The following TAFA1 variants were observed in gnomAD, a reference collection of about 807,000 sequenced individuals.
The protein encoded by TAFA1 is TAFA chemokine like family member 1, also known as chemokine-like protein TAFA-1.
TAFA1 carries 4 observed loss-of-function variants against 18.5 expected under a neutral mutation model. That is an observed-to-expected ratio of 0.22 (90% confidence interval 0.11 to 0.49). The LOEUF (loss-of-function observed/expected upper bound fraction) is 0.49, where lower values mean the gene tolerates loss of function less well. Ranked by LOEUF, TAFA1 falls within the 20% of genes least tolerant of loss-of-function variation. The probability of loss-of-function intolerance (pLI) is 0.98; values close to 1 mark genes in which losing one functional copy is unlikely to be tolerated. For synonymous variants in TAFA1, 56 were observed against 55.2 expected (o/e 1.01, Z -0.06); for missense variants, 147 against 169.0 (o/e 0.87, Z 0.72).
chr3:68,271,170 G>A (rs1037098513), intron 2 of TAFA1, among the ~76,000 whole-genome samples: 1 of 151,980 alleles, frequency 6.6e-6, no homozygotes, highest in Admixed American at 6.6e-5. Context: ...CTTCCTCCTG[G>A]ATTGGTTTTA....
At chr3:68,527,318 C>T (rs2073123282) in intron 3 of TAFA1, among the ~76,000 whole-genome samples, 2 of 152,090 alleles carry the variant, frequency 1.3e-5, no homozygotes. Context: ...CAAAAGGTCT[C>T]TGAAAATTCC....
chr3:68,020,341 C>T (rs981162613), intron 2 of TAFA1, among the ~76,000 whole-genome samples: 1 of 151,878 alleles, frequency 6.6e-6, no homozygotes. Flanking sequence ...TACATCCCAT[C>T]TCTATCATTA....
intron 2 of TAFA1, among the ~76,000 whole-genome samples, chr3:68,016,817 TTA>T (rs1222635211): frequency 6.6e-6 from 1 of 152,182 alleles, no homozygotes; most frequent in African/African-American, 2.4e-5. Context: ...CCCATAATAT[TTA>T]TCTTATTTTT....
At chr3:68,153,117 G>T (rs903828727) in intron 2 of TAFA1, among the ~76,000 whole-genome samples, 1 of 152,074 alleles carries the variant, frequency 6.6e-6, no homozygotes, top group African/African-American at 2.4e-5. Context: ...TACTCTTTTT[G>T]CTCATAGTCA....
chr3:68,399,200 T>C (rs2070439997), intron 2 of TAFA1, among the ~76,000 whole-genome samples: 1 of 152,208 alleles, frequency 6.6e-6, no homozygotes, highest in Non-Finnish European at 1.5e-5. Context: ...TTCTTTTTCA[T>C]GATTATCTTA....
At chr3:68,303,921 G>A (rs368932357) in intron 2 of TAFA1, among the ~76,000 whole-genome samples, 1 of 152,070 alleles carries the variant, frequency 6.6e-6, no homozygotes, top group Admixed American at 6.6e-5. Flanking sequence ...TGTTACACTG[G>A]AAATATACTC....
intron 2 of TAFA1, among the ~76,000 whole-genome samples, chr3:68,289,208 T>C (rs1257140159): frequency 6.6e-6 from 1 of 152,242 alleles, no homozygotes; most frequent in Non-Finnish European, 1.5e-5. Flanking sequence ...ATATGTTGCA[T>C]ATGAATTTTC....
chr3:68,028,430 AACCCAAAAT>A (rs71112604), intron 2 of TAFA1, among the ~76,000 whole-genome samples: 97,698 of 151,410 alleles, frequency 0.65, 31,676 homozygotes, highest in South Asian at 0.78. Flanking sequence ...TATTATTTTT[AACCCAAAAT>A]ACTTTATTGG....
chr3:68,461,576 A>G (rs2071783721), intron 3 of TAFA1, among the ~76,000 whole-genome samples: 1 of 151,498 alleles, frequency 6.6e-6, no homozygotes, highest in Non-Finnish European at 1.5e-5. Context: ...CCATATTTCT[A>G]TGTTCCTTTC....
intron 2 of TAFA1, among the ~76,000 whole-genome samples, chr3:68,263,741 C>A (rs1454912054): frequency 6.6e-6 from 1 of 152,094 alleles, no homozygotes; most frequent in Admixed American, 6.6e-5. Context: ...CTCAGGCCAG[C>A]ACAGCACTGG....
chr3:68,262,352 TATA>T (rs2067451251), intron 2 of TAFA1, among the ~76,000 whole-genome samples: 1 of 113,832 alleles, frequency 8.8e-6, no homozygotes, highest in Non-Finnish European at 1.8e-5. Context: ...TATATATATA[TATA>T]TATTTCATGG....
chr3:68,061,858 G>A (rs1041278719), intron 2 of TAFA1, among the ~76,000 whole-genome samples: 1 of 152,152 alleles, frequency 6.6e-6, no homozygotes, highest in Non-Finnish European at 1.5e-5. Flanking sequence ...AACCACTGGT[G>A]CAGCATGGTT....
At chr3:68,044,145 C>T (rs560441227) in intron 2 of TAFA1, among the ~76,000 whole-genome samples, 1 of 152,136 alleles carries the variant, frequency 6.6e-6, no homozygotes, top group Non-Finnish European at 1.5e-5. Flanking sequence ...TTCGTTTGTT[C>T]CTTCATTCTT....
At chr3:68,106,490 G>C (rs1378619750) in intron 2 of TAFA1, among the ~76,000 whole-genome samples, 2 of 152,092 alleles carry the variant, frequency 1.3e-5, no homozygotes, top group African/African-American at 4.8e-5. Flanking sequence ...TTGGACATCA[G>C]AGTTTTAGAA....
chr3:68,456,119 A>G (rs1414229886), intron 3 of TAFA1, among the ~76,000 whole-genome samples: 1 of 152,158 alleles, frequency 6.6e-6, no homozygotes, highest in East Asian at 1.9e-4. Context: ...TTCAGGGACA[A>G]AGCATCAATG....
chr3:68,376,302 A>G (rs1470521769), intron 2 of TAFA1, among the ~76,000 whole-genome samples: 1 of 151,432 alleles, frequency 6.6e-6, no homozygotes, highest in Non-Finnish European at 1.5e-5. Context: ...GGTTTGTTAC[A>G]TAGGGAAACT....
intron 2 of TAFA1, among the ~76,000 whole-genome samples, chr3:68,192,126 A>G (rs888819255): frequency 6.6e-6 from 1 of 151,916 alleles, no homozygotes; most frequent in Non-Finnish European, 1.5e-5. Flanking sequence ...CTCTAGTCCA[A>G]CAACTATTTA....
At chr3:67,993,109 A>G in the TAFA1 span, among the ~76,000 whole-genome samples, 2 of 152,360 alleles carry the variant, frequency 1.3e-5, no homozygotes, top group Admixed American at 6.5e-5. Context: ...TCTCCTACAC[A>G]TGCAGAGAAA....
chr3:68,046,435 T>A (rs183301026), intron 2 of TAFA1, among the ~76,000 whole-genome samples: 1 of 152,304 alleles, frequency 6.6e-6, no homozygotes, highest in East Asian at 1.9e-4. Context: ...ATGAATACAC[T>A]CTCTCACAGT....
Sources: allele counts gnomAD v4.1 joint callset (sites outside exome capture counted in the v4.1 genomes callset), GRCh38; gene constraint gnomAD v4.1.1; transcripts MANE v1.5; gene names NCBI Gene and HGNC (gene_info 2026-07-23, HGNC 2026-07-21).